The following MGMT variants were observed in gnomAD, a reference collection of about 807,000 sequenced individuals.
MGMT encodes the protein O-6-methylguanine-DNA methyltransferase, also known as methylated-DNA--protein-cysteine methyltransferase.
Under a neutral mutation model 15.9 loss-of-function variants are expected in MGMT, and 14 were observed. That is an observed-to-expected ratio of 0.88 (90% CI 0.58 to 1.37). The LOEUF is 1.37. Ranked by LOEUF, MGMT falls within the 40% of genes most tolerant of loss-of-function variation. The pLI is 0.00. For missense variants in MGMT, 282 were observed against 268.1 expected, an observed-to-expected ratio of 1.05 and a Z score of -0.36; for synonymous variants, 130 against 118.2, an observed-to-expected ratio of 1.10 and a Z score of -0.65.
At chr10:129,540,164 A>G (rs1846028781) in intron 2 of MGMT, among the ~76,000 whole-genome samples, 1 of 152,232 alleles carries the variant, frequency 6.6e-6, no homozygotes, top group Non-Finnish European at 1.5e-5. Context: ...ATTCTAAATT[A>G]GGTTGAAACT....
chr10:129,553,072 G>A (rs1016810866), intron 2 of MGMT, among the ~76,000 whole-genome samples: 3 of 152,062 alleles, frequency 2.0e-5, no homozygotes, highest in Admixed American at 6.6e-5. Flanking sequence ...TTAACCATGC[G>A]CAGCCAGCTT....
intron 2 of MGMT, among the ~76,000 whole-genome samples, chr10:129,596,398 A>G (rs749928588): frequency 2.0e-5 from 3 of 152,180 alleles, no homozygotes; most frequent in Non-Finnish European, 4.4e-5. Flanking sequence ...AAGCAAACCA[A>G]GATGATCTTG....
intron 2 of MGMT, among the ~76,000 whole-genome samples, chr10:129,593,267 G>T (rs570619881): frequency 1.3e-5 from 2 of 152,328 alleles, no homozygotes; most frequent in East Asian, 3.9e-4. Context: ...AAGTCATGAC[G>T]GTGGGTGAAA....
chr10:129,727,082 A>G (rs561888847), intron 3 of MGMT, among the ~76,000 whole-genome samples: 34 of 152,292 alleles, frequency 2.2e-4, no homozygotes, highest in African/African-American at 8.2e-4. Flanking sequence ...CCATGATGCT[A>G]TCAAGAGAAG....
At chr10:129,582,351 T>G (rs149581530) in intron 2 of MGMT, among the ~76,000 whole-genome samples, 3 of 152,198 alleles carry the variant, frequency 2.0e-5, no homozygotes, top group African/African-American at 7.2e-5. Context: ...CTCCTCGTGT[T>G]ATAGTTCTCA....
chr10:129,767,775 C>G lies in MGMT; in HGVS notation c.*778C>G, dbSNP rs1848955855. ...GGGACCTCTCATCTCAAGGGCTGCC[C>G]CAAAGGGCCCTCAGGGACCATGGGC... is the stretch of plus-strand genomic sequence containing the variant. On this transcript the variant is annotated 3_prime_UTR_variant, in exon 5 of 5. Transcript: ENST00000651593. The G allele has an allele frequency of 6.6e-6, 1 of 152,228 alleles. No homozygotes were observed. The highest frequency in any genetic ancestry group is 2.4e-5 in the African/African-American group (1 of 41,432). The allele number at this position is 152,228 out of a possible 1,614,324, so 9.4% of individuals were successfully genotyped here. A position where few individuals can be genotyped will look rare whatever the true frequency, so the allele number is the denominator to read the frequency against.
chr10:129,729,383 T>C (rs1050249877), intron 3 of MGMT, among the ~76,000 whole-genome samples: 2 of 152,156 alleles, frequency 1.3e-5, no homozygotes, highest in African/African-American at 4.8e-5. Flanking sequence ...GCAAGCACCT[T>C]GGCCTCCCTG....
intron 2 of MGMT, among the ~76,000 whole-genome samples, chr10:129,572,801 C>G (rs760311959): frequency 6.6e-6 from 1 of 152,096 alleles, no homozygotes; most frequent in Non-Finnish European, 1.5e-5. Context: ...TCTGTTTTTT[C>G]CAGTGACTGC....
intron 2 of MGMT, among the ~76,000 whole-genome samples, chr10:129,656,729 C>T (rs372176012): frequency 1.3e-5 from 2 of 152,168 alleles, no homozygotes; most frequent in African/African-American, 4.8e-5. Flanking sequence ...GTGGTTGCAC[C>T]GAGTTTCTGA....
At chr10:129,706,381 G>A (rs1848162334) in intron 2 of MGMT, among the ~76,000 whole-genome samples, 1 of 152,214 alleles carries the variant, frequency 6.6e-6, no homozygotes, top group Non-Finnish European at 1.5e-5. Flanking sequence ...TCCCAGAGCA[G>A]CATGGGTGTG....
intron 1 of MGMT, among the ~76,000 whole-genome samples, chr10:129,534,344 C>T (rs1243105625): frequency 2.0e-5 from 3 of 152,000 alleles, no homozygotes; most frequent in Admixed American, 2.0e-4. Flanking sequence ...GGCAGAGCCT[C>T]TGTGATGGGG....
At chr10:129,473,154 A>G (rs1160435721) in intron 1 of MGMT, among the ~76,000 whole-genome samples, 1 of 152,248 alleles carries the variant, frequency 6.6e-6, no homozygotes, top group East Asian at 1.9e-4. Context: ...GGCAGTGGCC[A>G]GGAACCAGCA....
At chr10:129,574,017 C>T (rs1846449814) in intron 2 of MGMT, among the ~76,000 whole-genome samples, 1 of 152,214 alleles carries the variant, frequency 6.6e-6, no homozygotes, top group Non-Finnish European at 1.5e-5. Flanking sequence ...CCAAGGGCAA[C>T]ATGTCCCCCG....
intron 1 of MGMT, among the ~76,000 whole-genome samples, chr10:129,527,557 T>C (rs973551572): frequency 4.6e-5 from 7 of 152,146 alleles, no homozygotes; most frequent in Non-Finnish European, 1.0e-4. Flanking sequence ...GTGAACCTTG[T>C]GCTTGGGTGT....
At chr10:129,715,823 G>A (rs752717682) in intron 3 of MGMT, among the ~76,000 whole-genome samples, 61 of 152,222 alleles carry the variant, frequency 4.0e-4, no homozygotes, top group Non-Finnish European at 7.8e-4. Context: ...TAATGTAAAT[G>A]CTTTCACACA....
At chr10:129,544,686 G>C (rs931927139) in intron 2 of MGMT, among the ~76,000 whole-genome samples, 2 of 152,224 alleles carry the variant, frequency 1.3e-5, no homozygotes, top group Admixed American at 6.5e-5. Context: ...CCGGCCCCAG[G>C]CCCTGTGTCT....
At chr10:129,609,403 C>T (rs1261417631) in intron 2 of MGMT, among the ~76,000 whole-genome samples, 5 of 151,114 alleles carry the variant, frequency 3.3e-5, no homozygotes, top group African/African-American at 9.8e-5. Context: ...TCTCTGGCCC[C>T]ATCTGGAGCC....
chr10:129,667,851 G>A (rs977286682), intron 2 of MGMT, among the ~76,000 whole-genome samples: 1 of 152,208 alleles, frequency 6.6e-6, no homozygotes, highest in Non-Finnish European at 1.5e-5. Flanking sequence ...AATGACTAAT[G>A]TGGTTGAATA....
intron 3 of MGMT, among the ~76,000 whole-genome samples, chr10:129,714,801 T>A (rs1848275186): frequency 6.6e-6 from 1 of 152,114 alleles, no homozygotes; most frequent in African/African-American, 2.4e-5. Flanking sequence ...TGCCAGCCCC[T>A]CTCCTAGGAA....
Sources: allele counts gnomAD v4.1 joint callset (sites outside exome capture counted in the v4.1 genomes callset), GRCh38; gene constraint gnomAD v4.1.1; transcripts MANE v1.5; gene names NCBI Gene and HGNC (gene_info 2026-07-23, HGNC 2026-07-21).